CTNNA3: variants seen among roughly 807,000 people sequenced by gnomAD.
The protein encoded by CTNNA3 is catenin alpha 3.
CTNNA3 carries 76 observed loss-of-function variants against 95.7 expected under a neutral mutation model. The ratio of observed to expected loss-of-function variants is 0.79; its 90% CI spans 0.66 to 0.96. The LOEUF is 0.96. Among genes scored for constraint, CTNNA3 ranks in the 40% least tolerant of loss-of-function variants. The pLI is 0.00. For missense variants in CTNNA3, 1,191 were observed against 1,089.8 expected (o/e 1.09, Z -1.31); for synonymous variants, 431 against 374.4 (o/e 1.15, Z -1.74).
chr10:66,012,994 T>A (rs1443105640), intron 15 of CTNNA3, among the ~76,000 whole-genome samples: 1 of 152,090 alleles, frequency 6.6e-6, no homozygotes, highest in Non-Finnish European at 1.5e-5. Context: ...TGTGCCTCCC[T>A]GGTTCAAGCG....
At chr10:67,703,830 C>T (rs1254850901) in intron 1 of CTNNA3, among the ~76,000 whole-genome samples, 2 of 152,170 alleles carry the variant, frequency 1.3e-5, no homozygotes, top group African/African-American at 2.4e-5. Flanking sequence ...AAGAGGAAGT[C>T]AAATTGTCCC....
At chr10:66,583,429 GA>G (rs1843259583) in intron 10 of CTNNA3, among the ~76,000 whole-genome samples, 1 of 151,658 alleles carries the variant, frequency 6.6e-6, no homozygotes, top group South Asian at 2.1e-4. Context: ...ATGTTTCCAG[GA>G]ATTAATTCAT....
At chr10:66,568,652 G>C (rs1158760534) in intron 10 of CTNNA3, among the ~76,000 whole-genome samples, 1 of 151,870 alleles carries the variant, frequency 6.6e-6, no homozygotes, top group South Asian at 2.1e-4. Context: ...AAGGGTAAGG[G>C]GTTTGCCTGC....
At chr10:67,203,056 T>A (rs1329813669) in intron 6 of CTNNA3, among the ~76,000 whole-genome samples, 1 of 152,198 alleles carries the variant, frequency 6.6e-6, no homozygotes, top group Non-Finnish European at 1.5e-5. Context: ...GAAGCTTGTA[T>A]CTCTTTCTTT....
At chr10:66,313,709 A>G (rs1207965893) in intron 12 of CTNNA3, among the ~76,000 whole-genome samples, 1 of 152,158 alleles carries the variant, frequency 6.6e-6, no homozygotes, top group African/African-American at 2.4e-5. Flanking sequence ...GTAGGTGTAT[A>G]TCTCCAGCAA....
rs539757680 is a variant in CTNNA3 at position 66,429,044 on chromosome 10, A to G, written c.1532-49692T>C. ...AGAAGAAAAGAGAGAAGAATCAAAT[A>G]GATGCAATAAAAAATGATAAAGGGG... On this transcript the variant is annotated intron_variant, in intron 11 of 17. Transcript: ENST00000433211. Among the ~76,000 whole-genome samples, 45 of 152,222 alleles carry G rather than the reference A, an allele frequency of 3.0e-4. 1 individual carries two copies. The highest frequency in any genetic ancestry group is 1.1e-3 in the African/African-American group (44 of 41,532).
At chr10:66,339,587 T>G (rs1298152018) in intron 12 of CTNNA3, among the ~76,000 whole-genome samples, 1 of 151,784 alleles carries the variant, frequency 6.6e-6, no homozygotes, top group African/African-American at 2.4e-5. Flanking sequence ...AATTCTTATG[T>G]CCTACTTGGT....
At chr10:66,610,420 T>C (rs954438275) in intron 10 of CTNNA3, among the ~76,000 whole-genome samples, 1 of 151,934 alleles carries the variant, frequency 6.6e-6, no homozygotes, top group African/African-American at 2.4e-5. Context: ...CCCTAGACAA[T>C]AAATAAAGGA....
intron 17 of CTNNA3, among the ~76,000 whole-genome samples, chr10:65,957,503 A>G (rs1296261199): frequency 1.3e-5 from 2 of 152,122 alleles, no homozygotes; most frequent in Admixed American, 6.5e-5. Flanking sequence ...TTTACAATTT[A>G]GCATGTTTTT....
chr10:66,598,444 C>A (rs1253134771), intron 10 of CTNNA3, among the ~76,000 whole-genome samples: 3 of 151,868 alleles, frequency 2.0e-5, no homozygotes, highest in African/African-American at 7.3e-5. Context: ...TAATTGGCAT[C>A]CAAATTGGAA....
intron 9 of CTNNA3, among the ~76,000 whole-genome samples, chr10:66,632,528 C>T (rs553973483): frequency 4.9e-5 from 7 of 142,906 alleles, no homozygotes; most frequent in African/African-American, 1.9e-4. Context: ...GCATTCCAGC[C>T]TGGGTGACAA....
intron 15 of CTNNA3, among the ~76,000 whole-genome samples, chr10:66,048,235 G>T (rs995493290): frequency 1.3e-5 from 2 of 152,110 alleles, no homozygotes; most frequent in Non-Finnish European, 2.9e-5. Context: ...ATACTACAAG[G>T]CTACATTAAT....
At chr10:67,620,831 T>C (rs1589498387) in intron 2 of CTNNA3, among the ~76,000 whole-genome samples, 1 of 151,622 alleles carries the variant, frequency 6.6e-6, no homozygotes, top group East Asian at 1.9e-4. Flanking sequence ...AAAAACCACA[T>C]TTATTAAGCC....
chr10:66,297,575 A>C (rs772328447), intron 12 of CTNNA3, among the ~76,000 whole-genome samples: 8 of 152,140 alleles, frequency 5.3e-5, no homozygotes, highest in Non-Finnish European at 1.2e-4. Context: ...TCTATCCTAC[A>C]TTTATAGAGT....
chr10:66,529,359 T>C (rs1387703728), intron 10 of CTNNA3, among the ~76,000 whole-genome samples: 1 of 151,938 alleles, frequency 6.6e-6, no homozygotes, highest in African/African-American at 2.4e-5. Flanking sequence ...GTTGAATTCC[T>C]GACCTCAGGT....
At chr10:67,585,706 A>G (rs1011470327) in intron 3 of CTNNA3, among the ~76,000 whole-genome samples, 4 of 151,998 alleles carry the variant, frequency 2.6e-5, no homozygotes, top group Non-Finnish European at 4.4e-5. Flanking sequence ...CTGATTTTAC[A>G]TGAGTCTTCC....
At position 67,308,180 on chromosome 10, in the gene CTNNA3, A is replaced by G. The variant is rs145391686; in HGVS notation, c.580-88310T>C. ...ATACTTACTGGATCATCCTTTCAAC[A>G]TTCAAGAGACTAAATTACAGAATTA... On this transcript the variant is annotated intron_variant, in intron 5 of 17. Transcript: ENST00000433211. 7.9e-3 allele frequency among the ~76,000 whole-genome samples: 1,201 copies of G among 152,254 alleles called. 17 individuals carry two copies. The highest frequency in any genetic ancestry group is 0.017 in the Middle Eastern group (5 of 294).
At chr10:67,444,838 T>C (rs1445977815) in intron 5 of CTNNA3, among the ~76,000 whole-genome samples, 3 of 151,958 alleles carry the variant, frequency 2.0e-5, no homozygotes, top group African/African-American at 7.3e-5. Flanking sequence ...CCTACCAAGA[T>C]TGAACCACAA....
intron 6 of CTNNA3, among the ~76,000 whole-genome samples, chr10:67,200,471 A>C (rs1330224032): frequency 6.6e-6 from 1 of 152,218 alleles, no homozygotes; most frequent in Admixed American, 6.5e-5. Flanking sequence ...CCTCTGCATC[A>C]GCACCAAAAA....
Sources: gnomAD v4.1 joint callset for allele counts (sites outside exome capture counted in the v4.1 genomes callset) on GRCh38, gnomAD v4.1.1 for gene constraint, MANE v1.5 for transcripts, NCBI Gene and HGNC (gene_info 2026-07-23, HGNC 2026-07-21) for gene names.